Variants in NLGN4X observed in about 807,000 individuals in gnomAD.
NLGN4X encodes neuroligin-4, X-linked.
Under a neutral mutation model 40.3 loss-of-function variants are expected in NLGN4X, and 3 were observed. That is an observed-to-expected ratio of 0.07 (90% CI 0.03 to 0.19). The LOEUF (loss-of-function observed/expected upper bound fraction) is 0.19. Among genes scored for constraint, NLGN4X ranks in the 10% least tolerant of loss-of-function variants. The pLI is 1.00. For missense variants in NLGN4X, 382 were observed against 708.3 expected (o/e 0.54, Z 5.23); for synonymous variants, 270 against 306.8 (o/e 0.88, Z 1.25).
rs143604446 is a variant in NLGN4X at position 6,106,757 on chromosome X, C to G, written c.472+44238G>C. Among the ~76,000 whole-genome samples the G allele has an allele frequency of 3.2e-3, 362 of 111,851 alleles. 2 individuals are homozygous for G. Among genetic ancestry groups the G allele is most frequent in the African/African-American group, 0.011 (345 of 30,833 alleles). On this transcript the variant is annotated intron_variant, in intron 2 of 5. Transcript: ENST00000381095. ...AATAATATTCCATTGTCTGAATACA[C>G]CATAGTTTATTTACCCATTCATCTA...
intron 2 of NLGN4X, among the ~76,000 whole-genome samples, chrX:6,071,990 T>C (rs1335773718): frequency 9.0e-6 from 1 of 110,678 alleles, no homozygotes; most frequent in African/African-American, 3.3e-5. Flanking sequence ...AAACACTCCA[T>C]AGGAACCATC....
At chrX:5,902,955 CATGCATGTGTATGTGTGTGT>C in intron 5 of NLGN4X, 102 bp downstream of exon 5, 1 of 771,095 alleles carries the variant, frequency 1.3e-6, no homozygotes, top group East Asian at 3.3e-5. Context: ...TATGTGTGTG[CATGCATGTGTATGTGTGTGT>C]ATGCGTGTGT....
chrX:6,205,131 G>A (rs1346614447), intron 1 of NLGN4X, among the ~76,000 whole-genome samples: 1 of 112,171 alleles, frequency 8.9e-6, no homozygotes, highest in Non-Finnish European at 1.9e-5. Context: ...CCAACTTGCA[G>A]TTTTCTCATC....
intron 3 of NLGN4X, among the ~76,000 whole-genome samples, chrX:5,936,740 C>A (rs1375698657): frequency 2.7e-5 from 3 of 112,210 alleles, no homozygotes. Flanking sequence ...ATTTTAACAG[C>A]AGCACACATT....
chrX:6,076,706 GGAAGAATGT>G (rs1157043386), intron 2 of NLGN4X, among the ~76,000 whole-genome samples: 1 of 111,980 alleles, frequency 8.9e-6, no homozygotes, highest in Non-Finnish European at 1.9e-5. Context: ...CCATGTGACT[GGAAGAATGT>G]ATCAGATGAA....
At chrX:6,209,042 A>T (rs990224860) in intron 1 of NLGN4X, among the ~76,000 whole-genome samples, 2 of 112,528 alleles carry the variant, frequency 1.8e-5, no homozygotes, top group African/African-American at 3.2e-5. Flanking sequence ...ACGAAATATT[A>T]TTCAGCCATA....
Position 6,151,565 on chromosome X carries a change from G to A in NLGN4X, c.-99C>T. ...CTGCAGAGAGATAGGGCTTTCCAGG[G>A]AGCAGTAGACCTGGGAGAGACTCTC... On this transcript the variant is annotated 5_prime_UTR_variant, in exon 2 of 6. Coordinates refer to ENST00000381095, the MANE Select transcript of NLGN4X (RefSeq NM_181332.3). 1.4e-6 allele frequency: 1 copy of A among 693,604 alleles called. No homozygotes were observed. Among genetic ancestry groups the A allele is most frequent in the East Asian group, 3.4e-5 (1 of 29,308 alleles). The allele number at this position is 693,604 out of a possible 1,213,427, so 57.2% of individuals were successfully genotyped here.
chrX:6,135,668 C>T (rs1189232299), intron 2 of NLGN4X, among the ~76,000 whole-genome samples: 2 of 111,384 alleles, frequency 1.8e-5, no homozygotes, highest in African/African-American at 6.5e-5. Context: ...CATTGGTTGG[C>T]ATGCAACTAA....
At chrX:6,215,625 A>T (rs764288934) in intron 1 of NLGN4X, among the ~76,000 whole-genome samples, 1 of 111,422 alleles carries the variant, frequency 9.0e-6, no homozygotes, top group Admixed American at 9.5e-5. Flanking sequence ...ATGAGGGAAT[A>T]CAAATGATTG....
intron 3 of NLGN4X, among the ~76,000 whole-genome samples, chrX:5,988,467 G>A (rs1409343503): frequency 8.9e-6 from 1 of 112,035 alleles, no homozygotes. Flanking sequence ...GACATTGGCG[G>A]GTGGGAATGT....
At chrX:5,913,616 CA>C (rs1489444932) in intron 3 of NLGN4X, among the ~76,000 whole-genome samples, 2 of 112,055 alleles carry the variant, frequency 1.8e-5, no homozygotes, top group African/African-American at 3.2e-5. Flanking sequence ...AAGAAAGATG[CA>C]AAAGAGACCA....
At chrX:5,914,273 T>C (rs749019052) in intron 3 of NLGN4X, among the ~76,000 whole-genome samples, 31 of 112,085 alleles carry the variant, frequency 2.8e-4, no homozygotes, top group Non-Finnish European at 5.1e-4. Context: ...ATTTTTATTA[T>C]AGATAATAAT....
rs1295479991 is a variant in NLGN4X, at chrX:5,945,348, G to C, written c.626-36109C>G. Among the ~76,000 whole-genome samples, 46 of 111,527 alleles carry C rather than the reference G, an allele frequency of 4.1e-4. No homozygotes were observed. The Admixed American group carries it at 4.3e-3, about 10-fold the overall frequency. ...AAAAACAACACTAAAACAGATGCAT[G>C]GTGTGATTCAAACTCCCAGAATAAA... On this transcript the variant is annotated intron_variant, in intron 3 of 5. Transcript: ENST00000381095.
chrX:5,988,642 A>G (rs1569171468), intron 3 of NLGN4X, among the ~76,000 whole-genome samples: 1 of 112,640 alleles, frequency 8.9e-6, no homozygotes, highest in East Asian at 2.8e-4. Flanking sequence ...TATGATGGGC[A>G]TTCTAAAAAT....
chrX:5,914,908 T>C (rs2032711021), intron 3 of NLGN4X, among the ~76,000 whole-genome samples: 1 of 111,978 alleles, frequency 8.9e-6, no homozygotes, highest in Non-Finnish European at 1.9e-5. Flanking sequence ...ATTCATGAAA[T>C]GCATTTATTA....
At chrX:6,008,769 G>A (rs1293762022) in intron 3 of NLGN4X, among the ~76,000 whole-genome samples, 9 of 111,545 alleles carry the variant, frequency 8.1e-5, no homozygotes, top group Admixed American at 5.8e-4. Context: ...TTGTCCAACT[G>A]TCCCCACCAT....
At chrX:5,951,720 C>T (rs1271348152) in intron 3 of NLGN4X, among the ~76,000 whole-genome samples, 1 of 110,694 alleles carries the variant, frequency 9.0e-6, no homozygotes, top group Non-Finnish European at 1.9e-5. Context: ...ACGAGGGTGC[C>T]CTCTGGGGTC....
chrX:5,946,895 T>C (rs1237894608), intron 3 of NLGN4X, among the ~76,000 whole-genome samples: 2 of 111,547 alleles, frequency 1.8e-5, no homozygotes, highest in Non-Finnish European at 3.8e-5. Context: ...TGTGTTCTCA[T>C]CTTTAGCTCC....
At position 5,899,744 on chromosome X, in the gene NLGN4X, T is replaced by C. The variant is rs563590926; in HGVS notation, c.1601+3333A>G. ...AATGAGAGAGCCAGCCTCAGTCTCA[T>C]AGCCTTTGGAAGTCAGGAAGAGCTA... On this transcript the variant is annotated intron_variant, in intron 5 of 5. Coordinates refer to ENST00000381095, the MANE Select transcript of NLGN4X (RefSeq NM_181332.3). Among the ~76,000 whole-genome samples the C allele has an allele frequency of 1.2e-4, 13 of 108,410 alleles. No individual in the cohort carries two copies. In the South Asian group the frequency reaches 5.5e-3, roughly 46 times the overall value. The allele number at this position is 108,410 out of a possible 115,157, so 94.1% of individuals were successfully genotyped here.
Sources: gnomAD v4.1 joint callset for allele counts (sites outside exome capture counted in the v4.1 genomes callset) on GRCh38, gnomAD v4.1.1 for gene constraint, MANE v1.5 for transcripts, NCBI Gene and HGNC (gene_info 2026-07-23, HGNC 2026-07-21) for gene names.